Variants in GHR observed in about 807,000 individuals in gnomAD.
GHR encodes the protein growth hormone receptor, also known as GH receptor.
GHR carries 35 observed loss-of-function variants against 67.1 expected under a neutral mutation model. The observed-to-expected ratio is 0.52, with a 90% CI of 0.40 to 0.69. GHR has a LOEUF of 0.69. Among genes scored for constraint, GHR ranks in the 30% least tolerant of loss-of-function variants. The pLI is 0.00. For synonymous variants in GHR, 272 were observed against 269.1 expected (o/e 1.01, Z -0.10); for missense variants, 792 against 764.6 (o/e 1.04, Z -0.42).
rs117686656 is a variant in GHR, at chr5:42,490,180, G to T, written c.-12+66225G>T. Among the ~76,000 whole-genome samples, 181 of 152,300 alleles carry T rather than the reference G, an allele frequency of 1.2e-3. 2 individuals are homozygous for T. In the East Asian group the frequency reaches 0.028, roughly 23 times the overall value. ...ATTTACTTACTGAAACACTGGAATG[G>T]TTCATATCCCTGTGGTTTCCACCTT... On this transcript the variant is annotated intron_variant, in intron 1 of 9. Transcript: ENST00000230882.
chr5:42,443,958 G>GATATAGATATAGAT (rs1554052073), intron 1 of GHR, among the ~76,000 whole-genome samples: 27 of 148,178 alleles, frequency 1.8e-4, no homozygotes, highest in African/African-American at 6.8e-4. Context: ...TATAGATATA[G>GATATAGATATAGAT]ATAGATATAG....
intron 3 of GHR, among the ~76,000 whole-genome samples, chr5:42,662,010 G>A (rs1450117124): frequency 1.3e-5 from 2 of 152,136 alleles, no homozygotes; most frequent in East Asian, 1.9e-4. Flanking sequence ...GACAAAGAAG[G>A]CCATTACATA....
intron 1 of GHR, chr5:42,425,121 A>G: frequency 1.7e-6 from 1 of 574,860 alleles, no homozygotes; most frequent in South Asian, 7.6e-5. Flanking sequence ...AACTAAACGC[A>G]TTGCCCTGAG....
intron 2 of GHR, among the ~76,000 whole-genome samples, chr5:42,618,040 A>C (rs955933835): frequency 5.9e-5 from 9 of 152,092 alleles, no homozygotes; most frequent in African/African-American, 2.2e-4. Flanking sequence ...TTCAATACCC[A>C]TAAAGGATAC....
At chr5:42,532,860 A>T (rs534941494) in intron 1 of GHR, among the ~76,000 whole-genome samples, 1 of 152,312 alleles carries the variant, frequency 6.6e-6, no homozygotes, top group African/African-American at 2.4e-5. Flanking sequence ...TTGAATTGAT[A>T]CAATTTTTAA....
At chr5:42,529,575 A>T (rs1747865756) in intron 1 of GHR, among the ~76,000 whole-genome samples, 1 of 152,124 alleles carries the variant, frequency 6.6e-6, no homozygotes, top group Non-Finnish European at 1.5e-5. Context: ...CCTAAAGGTG[A>T]ATCTGTCTGG....
At chr5:42,514,494 C>T (rs1453198467) in intron 1 of GHR, 7 of 191,688 alleles carry the variant, frequency 3.7e-5, no homozygotes, top group African/African-American at 1.7e-4. Flanking sequence ...AGAAGCTATT[C>T]AGAGATATTG....
At chr5:42,534,735 C>T (rs946581692) in intron 1 of GHR, among the ~76,000 whole-genome samples, 5 of 152,140 alleles carry the variant, frequency 3.3e-5, no homozygotes, top group South Asian at 4.1e-4. Context: ...GGAATCTCCA[C>T]GCTCTTTTCC....
chr5:42,719,517 T>G lies in GHR; in HGVS notation c.*93T>G, dbSNP rs143719495. On this transcript the variant is annotated 3_prime_UTR_variant, in exon 10 of 10. Transcript: ENST00000230882. ...GCCAAAACAATGTTTAAACCTTTTT[T>G]GGGGGAGTGACAGGATGGGGTATGG... is the stretch of plus-strand genomic sequence containing the variant. The G allele has an allele frequency of 1.4e-4, 171 of 1,232,732 alleles. 1 individual carries two copies. In the African/African-American group the frequency reaches 2.1e-3, roughly 15 times the overall value. The allele number at this position is 1,232,732 out of a possible 1,614,324, so 76.4% of individuals were successfully genotyped here. A position where few individuals can be genotyped will look rare whatever the true frequency, so the allele number is the denominator to read the frequency against.
intron 2 of GHR, among the ~76,000 whole-genome samples, chr5:42,575,738 A>T (rs1750623948): frequency 6.6e-6 from 1 of 151,906 alleles, no homozygotes; most frequent in Non-Finnish European, 1.5e-5. Context: ...ATGTAAAAAA[A>T]AAAAAGGTAA....
chr5:42,547,986 C>G lies in GHR; in HGVS notation c.-11-17878C>G. The G allele has an allele frequency of 7.5e-6, 4 of 534,282 alleles. No individual in the cohort carries two copies. In the South Asian group the frequency reaches 2.4e-4, roughly 32 times the overall value. 33.1% of individuals were successfully genotyped at this position (534,282 alleles called of 1,614,324 possible). A position where few individuals can be genotyped will look rare whatever the true frequency, so the allele number is the denominator to read the frequency against. On this transcript the variant is annotated intron_variant, in intron 1 of 9. Transcript: ENST00000230882. The stretch of plus-strand genomic sequence containing the variant: ...AGGGAAAGGACCAGATTCAGATACC[C>G]TATCACTGCTTTCTACCCATCCAGA...
chr5:42,526,765 C>T (rs1049614800), intron 1 of GHR, among the ~76,000 whole-genome samples: 3 of 152,048 alleles, frequency 2.0e-5, no homozygotes, highest in African/African-American at 7.2e-5. Context: ...GAAGATCATA[C>T]CCCAGACACA....
At chr5:42,666,966 A>G (rs1342410669) in intron 3 of GHR, among the ~76,000 whole-genome samples, 1 of 152,184 alleles carries the variant, frequency 6.6e-6, no homozygotes, top group Non-Finnish European at 1.5e-5. Context: ...GGTTTCCCAC[A>G]AAGGCAACCA....
chr5:42,715,874 T>C (rs1159011246), intron 8 of GHR, among the ~76,000 whole-genome samples: 1 of 152,198 alleles, frequency 6.6e-6, no homozygotes, highest in African/African-American at 2.4e-5. Context: ...TCACATTCTT[T>C]AATTTGCCAC....
chr5:42,529,237 T>C (rs577033912), intron 1 of GHR, among the ~76,000 whole-genome samples: 1 of 152,224 alleles, frequency 6.6e-6, no homozygotes, highest in East Asian at 1.9e-4. Context: ...GGTCTTCATC[T>C]CCTGACCACG....
rs114361692 is a variant in GHR, at chr5:42,572,471, C to T, written c.70+6527C>T. ...TCATCTGTAGTTAGCAGCATGAAGA[C>T]GGTGATGATGTGTAACATAAACACA... On this transcript the variant is annotated intron_variant, in intron 2 of 9. Transcript: ENST00000230882. Among the ~76,000 whole-genome samples, 1,248 of 152,318 alleles carry T rather than the reference C, an allele frequency of 8.2e-3. 21 individuals are homozygous for T. Among genetic ancestry groups the T allele is most frequent in the African/African-American group, 0.029 (1,202 of 41,572 alleles).
At chr5:42,583,708 T>C (rs1751315143) in intron 2 of GHR, among the ~76,000 whole-genome samples, 1 of 152,160 alleles carries the variant, frequency 6.6e-6, no homozygotes, top group Non-Finnish European at 1.5e-5. Flanking sequence ...AAAATCTACC[T>C]GGAAAACATT....
chr5:42,562,514 T>G (rs936194489), intron 1 of GHR, among the ~76,000 whole-genome samples: 1 of 152,158 alleles, frequency 6.6e-6, no homozygotes, highest in Non-Finnish European at 1.5e-5. Flanking sequence ...TTTAAATACT[T>G]TTTTCTGCTG....
intron 1 of GHR, among the ~76,000 whole-genome samples, chr5:42,535,249 A>C (rs1004881881): frequency 7.2e-5 from 11 of 151,934 alleles, no homozygotes; most frequent in Non-Finnish European, 1.5e-4. Flanking sequence ...TGTCTAGAAG[A>C]GTTTTTCCAA....
Sources: gnomAD v4.1 joint callset for allele counts (sites outside exome capture counted in the v4.1 genomes callset) on GRCh38, gnomAD v4.1.1 for gene constraint, MANE v1.5 for transcripts, NCBI Gene and HGNC (gene_info 2026-07-23, HGNC 2026-07-21) for gene names.